The following AAMDC variants were observed in gnomAD, a reference collection of about 807,000 sequenced individuals.
The protein encoded by AAMDC is mth938 domain-containing protein.
In AAMDC, 16 loss-of-function variants were observed where a neutral mutation model predicts 15.5. The ratio of observed to expected loss-of-function variants is 1.03; its 90% CI spans 0.70 to 1.57. The LOEUF is 1.57. AAMDC is among the 40% of genes most tolerant of loss of function. The probability of loss-of-function intolerance (pLI) is 0.00; values close to 1 mark genes in which losing one functional copy is unlikely to be tolerated. For missense variants in AAMDC, 141 were observed against 144.9 expected (o/e 0.97, Z 0.14); for synonymous variants, 51 against 51.6 (o/e 0.99, Z 0.05).
At chr11:77,841,965 AACTTC>A (rs1252390561) in intron 1 of AAMDC, among the ~76,000 whole-genome samples, 10 of 152,186 alleles carry the variant, frequency 6.6e-5, no homozygotes, top group Non-Finnish European at 1.2e-4. Context: ...AACCTACTTG[AACTTC>A]ACTTACAACA....
At chr11:77,902,802 C>G (rs1163827378), downstream of AAMDC, among the ~76,000 whole-genome samples, 1 of 152,120 alleles carries the variant, frequency 6.6e-6, no homozygotes, top group Non-Finnish European at 1.5e-5. Flanking sequence ...TGACTCAAAG[C>G]TAAAAAGAAA....
chr11:77,884,015 T>C (rs1951892967), intron 5 of AAMDC: 1 of 1,539,348 alleles, frequency 6.5e-7, no homozygotes, highest in African/African-American at 1.4e-5. Flanking sequence ...AAATGGATGA[T>C]GACATCTGTT....
downstream of AAMDC, among the ~76,000 whole-genome samples, chr11:77,873,422 T>C (rs1163056955): frequency 1.3e-5 from 2 of 152,240 alleles, no homozygotes; most frequent in Non-Finnish European, 2.9e-5. Context: ...TTATGGTTCT[T>C]AATATAGCAG....
intron 2 of AAMDC, among the ~76,000 whole-genome samples, chr11:77,857,644 T>C (rs1950679515): frequency 6.6e-6 from 1 of 152,038 alleles, no homozygotes; most frequent in South Asian, 2.1e-4. Context: ...GTTTGTTACA[T>C]AGGTATACAT....
downstream of AAMDC, among the ~76,000 whole-genome samples, chr11:77,902,369 C>T (rs1465530827): frequency 6.6e-6 from 1 of 152,182 alleles, no homozygotes; most frequent in Admixed American, 6.5e-5. Context: ...CTGGTCCCAT[C>T]CTTCCAATGT....
At chr11:77,859,070 G>A in intron 2 of AAMDC, among the ~76,000 whole-genome samples, 1 of 152,116 alleles carries the variant, frequency 6.6e-6, no homozygotes, top group Non-Finnish European at 1.5e-5. Flanking sequence ...TTTGGTGAAG[G>A]GTTTTAAATA....
chr11:77,823,181 C>A (rs1949002123), intron 1 of AAMDC, among the ~76,000 whole-genome samples: 1 of 135,880 alleles, frequency 7.4e-6, no homozygotes, highest in Non-Finnish European at 1.5e-5. Context: ...TGCCACTGCA[C>A]TCCAGCCTGG....
chr11:77,846,163 G>A (rs1950138331), intron 2 of AAMDC, among the ~76,000 whole-genome samples: 1 of 152,114 alleles, frequency 6.6e-6, no homozygotes, highest in South Asian at 2.1e-4. Flanking sequence ...TGTGGCTTCT[G>A]AGGTCTGCTA....
intron 5 of AAMDC, among the ~76,000 whole-genome samples, chr11:77,879,928 A>G (rs1178685483): frequency 6.6e-6 from 1 of 152,210 alleles, no homozygotes; most frequent in Admixed American, 6.5e-5. Context: ...AGACTGTCAC[A>G]ATCTTGGCAA....
At chr11:77,839,253 C>T (rs1949823435) in intron 1 of AAMDC, among the ~76,000 whole-genome samples, 1 of 152,174 alleles carries the variant, frequency 6.6e-6, no homozygotes, top group Admixed American at 6.5e-5. Flanking sequence ...ATCCTCCTGC[C>T]TCAGCCTCCT....
downstream of AAMDC, among the ~76,000 whole-genome samples, chr11:77,875,316 G>A (rs1252781471): frequency 2.0e-5 from 3 of 152,168 alleles, no homozygotes; most frequent in Non-Finnish European, 4.4e-5. Context: ...AATAAGGCGT[G>A]TAAACATTAC....
chr11:77,891,897 G>T (rs1172701817), intron 5 of AAMDC: 1 of 1,606,790 alleles, frequency 6.2e-7, no homozygotes, highest in South Asian at 1.1e-5. Flanking sequence ...TTCACCACAG[G>T]CTGGGCCCCA....
chr11:77,899,741 A>G (rs1352445828), intron 5 of AAMDC, among the ~76,000 whole-genome samples: 2 of 152,196 alleles, frequency 1.3e-5, no homozygotes, highest in African/African-American at 4.8e-5. Context: ...GTATCTTTAT[A>G]TAATGACATG....
downstream of AAMDC, among the ~76,000 whole-genome samples, chr11:77,874,367 G>A (rs1038242602): frequency 6.6e-6 from 1 of 150,758 alleles, no homozygotes; most frequent in African/African-American, 2.5e-5. Context: ...CTCTAGTGAT[G>A]CAGTCTTTTT....
intron 5 of AAMDC, among the ~76,000 whole-genome samples, chr11:77,880,294 C>T (rs956452876): frequency 6.6e-6 from 1 of 152,180 alleles, no homozygotes; most frequent in Non-Finnish European, 1.5e-5. Context: ...TACATCCAAG[C>T]TTCTCTCTAT....
intron 5 of AAMDC, chr11:77,878,685 C>T (rs1468463522): frequency 1.5e-6 from 1 of 679,920 alleles, no homozygotes; most frequent in Non-Finnish European, 2.6e-6. Context: ...GCTATAGCCA[C>T]ACGCATTTCT....
intron 5 of AAMDC, among the ~76,000 whole-genome samples, chr11:77,894,536 T>G (rs908754140): frequency 2.0e-5 from 3 of 152,178 alleles, no homozygotes; most frequent in Non-Finnish European, 4.4e-5. Flanking sequence ...CAAGACCTGA[T>G]TAAACCACTG....
Position 77,894,531 on chromosome 11 carries a change from C to T in AAMDC, c.329-6040C>T, listed in dbSNP as rs545398111. ...GGAAACACCTGTCGGGATCCCAAGA[C>T]CTGATTAAACCACTGCAGTGCCCAT... On this transcript the variant is annotated intron_variant, in intron 5 of 5. Transcript: ENST00000304716. Among the ~76,000 whole-genome samples the T allele has an allele frequency of 7.7e-4, 117 of 152,294 alleles. 1 individual carries two copies. Among genetic ancestry groups the T allele is most frequent in the Non-Finnish European group, 7.8e-4 (53 of 68,022 alleles).
chr11:77,871,150 A>T (rs901106970), intron 3 of AAMDC, among the ~76,000 whole-genome samples: 1 of 152,350 alleles, frequency 6.6e-6, no homozygotes, highest in Non-Finnish European at 1.5e-5. Flanking sequence ...CCCCATTACA[A>T]TAATTCCTAT....
Sources: gnomAD v4.1 joint callset for allele counts (sites outside exome capture counted in the v4.1 genomes callset) on GRCh38, gnomAD v4.1.1 for gene constraint, MANE v1.5 for transcripts, NCBI Gene and HGNC (gene_info 2026-07-23, HGNC 2026-07-21) for gene names.